Variants in EEFSEC observed in about 807,000 individuals in gnomAD.
The protein encoded by EEFSEC is selenocysteine-specific elongation factor.
In EEFSEC, 43 loss-of-function variants were observed where a neutral mutation model predicts 42.1. The ratio of observed to expected loss-of-function variants is 1.02; its 90% CI spans 0.80 to 1.32. The LOEUF (loss-of-function observed/expected upper bound fraction) is 1.32. EEFSEC is among the 40% of genes most tolerant of loss of function. The pLI is 0.00. For missense variants in EEFSEC, 745 were observed against 803.6 expected (o/e 0.93, Z 0.88); for synonymous variants, 354 against 339.1 (o/e 1.04, Z -0.48).
chr3:128,309,787 A>G (rs1203442801), intron 4 of EEFSEC, among the ~76,000 whole-genome samples: 3 of 152,220 alleles, frequency 2.0e-5, no homozygotes, highest in Non-Finnish European at 4.4e-5. Context: ...CAAGAAGGGC[A>G]GAGGTGCTTT....
intron 6 of EEFSEC, among the ~76,000 whole-genome samples, chr3:128,366,988 T>C (rs1208536608): frequency 6.6e-6 from 1 of 152,208 alleles, no homozygotes; most frequent in Non-Finnish European, 1.5e-5. Flanking sequence ...TCAAGGTGTC[T>C]GCAGGGTGGG....
chr3:128,166,062 T>C (rs146859662), intron 1 of EEFSEC, among the ~76,000 whole-genome samples: 2 of 152,346 alleles, frequency 1.3e-5, no homozygotes, highest in East Asian at 3.9e-4. Context: ...CCAGGGGACA[T>C]TCAGAGATGA....
intron 4 of EEFSEC, among the ~76,000 whole-genome samples, chr3:128,296,227 TAA>T (rs2066704863): frequency 1.3e-5 from 2 of 152,196 alleles, no homozygotes; most frequent in Admixed American, 6.5e-5. Flanking sequence ...TTGGAAAACG[TAA>T]TCCACGTAGG....
At chr3:128,199,821 C>A (rs1239960009) in intron 1 of EEFSEC, among the ~76,000 whole-genome samples, 1 of 152,110 alleles carries the variant, frequency 6.6e-6, no homozygotes, top group Admixed American at 6.5e-5. Flanking sequence ...GCAACCTCTG[C>A]CTCCCAGGTT....
intron 6 of EEFSEC, among the ~76,000 whole-genome samples, chr3:128,394,483 T>A (rs2067956365): frequency 7.4e-6 from 1 of 134,484 alleles, no homozygotes; most frequent in Non-Finnish European, 1.6e-5. Context: ...TTTTAATATG[T>A]GGATTTTTTT....
At chr3:128,216,082 C>A (rs2065808174) in intron 1 of EEFSEC, among the ~76,000 whole-genome samples, 2 of 152,178 alleles carry the variant, frequency 1.3e-5, no homozygotes, top group South Asian at 4.1e-4. Flanking sequence ...GTTTCCAAAT[C>A]TCTCAGAGGA....
intron 4 of EEFSEC, among the ~76,000 whole-genome samples, chr3:128,296,667 G>A (rs1193569864): frequency 1.3e-5 from 2 of 151,736 alleles, no homozygotes; most frequent in African/African-American, 4.8e-5. Flanking sequence ...TGCCCTCCAC[G>A]CTACACACAT....
At chr3:128,229,932 C>G (rs2107863659) in intron 1 of EEFSEC, among the ~76,000 whole-genome samples, 1 of 152,260 alleles carries the variant, frequency 6.6e-6, no homozygotes, top group South Asian at 2.1e-4. Flanking sequence ...TGTGAGGTGC[C>G]CACCAGCCCT....
chr3:128,174,619 T>C (rs942509449), intron 1 of EEFSEC, among the ~76,000 whole-genome samples: 10 of 152,196 alleles, frequency 6.6e-5, no homozygotes, highest in African/African-American at 2.4e-4. Context: ...TGGCTTTTTG[T>C]ATTACTGTGG....
At chr3:128,167,008 A>G (rs1261992773) in intron 1 of EEFSEC, among the ~76,000 whole-genome samples, 1 of 152,172 alleles carries the variant, frequency 6.6e-6, no homozygotes, top group East Asian at 1.9e-4. Flanking sequence ...ACTAAGTCTT[A>G]GCTGGCTGAC....
At chr3:128,244,862 C>T (rs184757565) in intron 1 of EEFSEC, among the ~76,000 whole-genome samples, 8 of 152,342 alleles carry the variant, frequency 5.3e-5, no homozygotes, top group Admixed American at 3.9e-4. Flanking sequence ...TCACTCACTC[C>T]GCCTCGGATA....
At chr3:128,406,108 C>A (rs780610520) in intron 6 of EEFSEC, among the ~76,000 whole-genome samples, 3 of 152,204 alleles carry the variant, frequency 2.0e-5, no homozygotes, top group Non-Finnish European at 4.4e-5. Context: ...CTGAGGTGCT[C>A]TGCCAGGGGT....
At chr3:128,416,630 G>A in the EEFSEC span, among the ~76,000 whole-genome samples, 1 of 152,162 alleles carries the variant, frequency 6.6e-6, no homozygotes, top group Non-Finnish European at 1.5e-5. Context: ...AGGACAGGTG[G>A]GTGTGTCCTT....
At chr3:128,397,602 A>T (rs1345139204) in intron 6 of EEFSEC, among the ~76,000 whole-genome samples, 1 of 152,182 alleles carries the variant, frequency 6.6e-6, no homozygotes, top group Non-Finnish European at 1.5e-5. Context: ...TGTCCTTCCC[A>T]TCCAGACACT....
intron 1 of EEFSEC, among the ~76,000 whole-genome samples, chr3:128,155,574 C>T (rs929768174): frequency 2.0e-5 from 3 of 152,220 alleles, no homozygotes; most frequent in Admixed American, 6.5e-5. Flanking sequence ...GTATACTTCT[C>T]ACTGCTGACC....
chr3:128,371,733 G>A (rs76023888), intron 6 of EEFSEC, among the ~76,000 whole-genome samples: 2,809 of 152,300 alleles, frequency 0.018, 92 homozygotes, highest in African/African-American at 0.063. Context: ...CCCAGGCCTC[G>A]TGGGCAGCCT....
chr3:128,414,933 G>A, the EEFSEC span, among the ~76,000 whole-genome samples: 1 of 152,158 alleles, frequency 6.6e-6, no homozygotes, highest in Non-Finnish European at 1.5e-5. Context: ...TACATCAGCT[G>A]GCCTTGGCAC....
intron 5 of EEFSEC, among the ~76,000 whole-genome samples, chr3:128,352,005 A>G (rs1259677976): frequency 2.0e-5 from 3 of 152,108 alleles, no homozygotes; most frequent in African/African-American, 4.8e-5. Context: ...AAACCCTCCA[A>G]CTGTTCTCTG....
intron 1 of EEFSEC, among the ~76,000 whole-genome samples, chr3:128,220,393 C>A (rs1254769875): frequency 1.3e-5 from 2 of 152,154 alleles, no homozygotes; most frequent in Admixed American, 1.3e-4. Context: ...ATCACTGATA[C>A]CAAAGCCCCA....
Sources: gnomAD v4.1 joint callset for allele counts (sites outside exome capture counted in the v4.1 genomes callset) on GRCh38, gnomAD v4.1.1 for gene constraint, MANE v1.5 for transcripts, NCBI Gene and HGNC (gene_info 2026-07-23, HGNC 2026-07-21) for gene names.